Variants in PDE6A observed in about 807,000 individuals in gnomAD.
PDE6A encodes the protein rod cGMP-specific 3',5'-cyclic phosphodiesterase subunit alpha.
In PDE6A, 84 loss-of-function variants were observed where a neutral mutation model predicts 106.3. That is an observed-to-expected ratio of 0.79 (90% CI 0.66 to 0.95). PDE6A has a LOEUF of 0.95. PDE6A is among the 40% of genes least tolerant of loss of function. The pLI is 0.00. For synonymous variants in PDE6A, 394 were observed against 386.6 expected, an observed-to-expected ratio of 1.02 and a Z score of -0.23; for missense variants, 1,052 against 1,084.9, an observed-to-expected ratio of 0.97 and a Z score of 0.43.
Position 149,860,303 on chromosome 5 carries a change from A to T in PDE6A, c.*592T>A, listed in dbSNP as rs1724118703. On this transcript the variant is annotated 3_prime_UTR_variant, in exon 22 of 22. Coordinates refer to ENST00000255266, the MANE Select transcript of PDE6A (RefSeq NM_000440.3). ...TGATATTGGAATCTGGGTGATGGGTATGTGGGGATTCAACGTACAATTCTC... is the reference window on the plus strand; with the variant it reads ...TGATATTGGAATCTGGGTGATGGGTTTGTGGGGATTCAACGTACAATTCTC... The T allele has an allele frequency of 6.6e-6, 1 of 152,360 alleles. No individual in the cohort carries two copies. Among genetic ancestry groups the T allele is most frequent in the Non-Finnish European group, 1.5e-5 (1 of 68,132 alleles). The allele number at this position is 152,360 out of a possible 1,614,324, so 9.4% of individuals were successfully genotyped here. A position where few individuals can be genotyped will look rare whatever the true frequency, so the allele number is the denominator to read the frequency against.
chr5:149,905,001 C>T (rs1219402199), intron 7 of PDE6A, among the ~76,000 whole-genome samples: 1 of 152,148 alleles, frequency 6.6e-6, no homozygotes, highest in East Asian at 1.9e-4. Context: ...CCACCAAATC[C>T]ATTTTCACTG....
intron 1 of PDE6A, among the ~76,000 whole-genome samples, chr5:149,941,330 G>A (rs1376899775): frequency 2.6e-5 from 4 of 152,180 alleles, no homozygotes. Flanking sequence ...CCCTGAGGAA[G>A]GGTGACTTTT....
At chr5:149,888,800 A>T (rs541463557) in intron 13 of PDE6A, among the ~76,000 whole-genome samples, 31 of 151,998 alleles carry the variant, frequency 2.0e-4, no homozygotes, top group African/African-American at 7.5e-4. Context: ...TTGGAAGAAA[A>T]TGGCTGGGTG....
chr5:149,928,227 A>ATC (rs1561778751), intron 4 of PDE6A, among the ~76,000 whole-genome samples: 1 of 26,492 alleles, frequency 3.8e-5, no homozygotes, highest in Non-Finnish European at 6.8e-5. Context: ...ATATATATAT[A>ATC]TATATTTTTT....
At chr5:149,862,690 A>G (rs1250821526) in intron 21 of PDE6A, among the ~76,000 whole-genome samples, 2 of 152,156 alleles carry the variant, frequency 1.3e-5, no homozygotes, top group African/African-American at 4.8e-5. Context: ...CCTGGGAGGT[A>G]GAGGTTGCAG....
At chr5:149,926,949 G>C (rs868722976) in intron 4 of PDE6A, among the ~76,000 whole-genome samples, 1 of 142,516 alleles carries the variant, frequency 7.0e-6, no homozygotes, top group Middle Eastern at 4.0e-3. Flanking sequence ...TTGCACTCCA[G>C]CCTGGGCAAC....
chr5:149,907,161 G>A (rs750299485), intron 7 of PDE6A, 151 bp downstream of exon 7: 8 of 751,552 alleles, frequency 1.1e-5, no homozygotes, highest in Non-Finnish European at 1.9e-5. Flanking sequence ...ATTTAGACCA[G>A]TTGCCAACTG....
At chr5:149,928,209 C>CTATACATATATA (rs1290202591) in intron 4 of PDE6A, among the ~76,000 whole-genome samples, 3 of 44,556 alleles carry the variant, frequency 6.7e-5, no homozygotes, top group Admixed American at 6.0e-4. Context: ...ATTGTATGTG[C>CTATACATATATA]TATATATATA....
chr5:149,867,453 G>C (rs1760371465), intron 19 of PDE6A: 1 of 554,658 alleles, frequency 1.8e-6, no homozygotes, highest in African/African-American at 1.9e-5. Flanking sequence ...AAATTTAGGA[G>C]GGCTTACTAG....
intron 17 of PDE6A, among the ~76,000 whole-genome samples, chr5:149,883,013 G>C (rs1455011479): frequency 6.6e-6 from 1 of 152,088 alleles, no homozygotes; most frequent in Non-Finnish European, 1.5e-5. Flanking sequence ...AGCCGAGATC[G>C]CACCACTACA....
At chr5:149,899,800 C>A (rs1451632585) in intron 8 of PDE6A, among the ~76,000 whole-genome samples, 1 of 152,176 alleles carries the variant, frequency 6.6e-6, no homozygotes, top group African/African-American at 2.4e-5. Flanking sequence ...TAATGATGTG[C>A]AGAACATCCC....
At chr5:149,925,659 A>C (rs1481789500) in intron 4 of PDE6A, among the ~76,000 whole-genome samples, 1 of 148,684 alleles carries the variant, frequency 6.7e-6, no homozygotes, top group African/African-American at 2.5e-5. Context: ...GTGAGCCAAG[A>C]TCATGCCACT....
intron 1 of PDE6A, among the ~76,000 whole-genome samples, chr5:149,936,023 A>C (rs943155594): frequency 6.6e-6 from 1 of 152,082 alleles, no homozygotes. Context: ...GTGTGGTGAC[A>C]TGTGCCTGTA....
intron 4 of PDE6A, among the ~76,000 whole-genome samples, chr5:149,930,342 C>T (rs1339045499): frequency 3.3e-5 from 5 of 152,070 alleles, no homozygotes; most frequent in South Asian, 2.1e-4. Flanking sequence ...CATGACAAGG[C>T]GTACAAAATG....
At chr5:149,883,656 T>C (rs1425913127) in intron 16 of PDE6A, 120 bp from the exon 17 acceptor site, 8 of 755,378 alleles carry the variant, frequency 1.1e-5, no homozygotes, top group Non-Finnish European at 1.9e-5. Flanking sequence ...CAAAACAAGG[T>C]TGAAAGAGCC....
At chr5:149,871,878 A>G (rs935631276) in intron 17 of PDE6A, among the ~76,000 whole-genome samples, 1 of 152,174 alleles carries the variant, frequency 6.6e-6, no homozygotes, top group South Asian at 2.1e-4. Flanking sequence ...AATAAAGAGA[A>G]ATGTCCAGAC....
chr5:149,899,455 C>T lies in PDE6A; in HGVS notation c.1183G>A (p.Glu395Lys). The stretch of plus-strand genomic sequence containing the variant: ...AATGTGGCCACTCCAACAATTTCTT[C>T]CTTCTTGTTCACAATCGGCATTGAA... ...VLSMPIVNKK[E>K]EIVGVATFYN... The change falls in exon 9 of 22, where the codon GAA (glutamate) becomes AAA (lysine). Residue 395 changes from glutamate to lysine, a missense_variant. This residue lies in a region of PDE6A where 913 missense variants were observed against 915.2 expected (regional missense o/e 1.00). Coordinates refer to ENST00000255266, the MANE Select transcript of PDE6A (RefSeq NM_000440.3). 6.2e-7 allele frequency: 1 copy of T among 1,614,070 alleles called. No homozygotes were observed. Among genetic ancestry groups the T allele is most frequent in the South Asian group, 1.1e-5 (1 of 91,080 alleles).
In PDE6A at chr5:149,863,400, A is replaced by C; in HGVS notation, c.2359-134T>G. The C allele has an allele frequency of 1.2e-6, 1 of 851,776 alleles. No homozygotes were observed. The highest frequency in any genetic ancestry group is 1.9e-6 in the Non-Finnish European group (1 of 520,452). The allele number at this position is 851,776 out of a possible 1,614,324, so 52.8% of individuals were successfully genotyped here. ...TAGCAGGCCTCCCGCCACCGTGCTG[A>C]TACTGCAGGGCCTCCGGTCTACACC... On this transcript the variant is annotated intron_variant, in intron 20 of 21. Coordinates refer to ENST00000255266, the MANE Select transcript of PDE6A (RefSeq NM_000440.3). This position sits in a 1 kb window ranked among gnomAD's most constrained non-coding sequence, Gnocchi z 4.7.
At position 149,931,120 on chromosome 5, in the gene PDE6A, C is replaced by T. The variant is rs756399357; in HGVS notation, c.766G>A (p.Glu256Lys). 2.3e-5 allele frequency: 37 copies of T among 1,613,936 alleles called. No homozygotes were observed. The highest frequency in any genetic ancestry group is 2.9e-5 in the Non-Finnish European group (34 of 1,179,988). ...TACAGGGCTTTGTGGAACTGTCGTT[C>T]GATGTCCGTAAGTTCTTCAAAGACT... Reference protein sequence around the residue: ...SKVFEELTDIERQFHKALYTV... With the variant: ...SKVFEELTDIKRQFHKALYTV... The change falls in exon 4 of 22, where the codon GAA becomes AAA. Residue 256 changes from glutamate to lysine, a missense_variant. By Grantham distance (56) the Glu-to-Lys change is moderately conservative. This residue lies in a region of PDE6A where 913 missense variants were observed against 915.2 expected (regional missense o/e 1.00). Transcript: ENST00000255266.
Sources: gnomAD v4.1 joint callset for allele counts (sites outside exome capture counted in the v4.1 genomes callset) on GRCh38, gnomAD v4.1.1 for gene constraint, gnomAD v4.1.1 regional missense constraint, Gnocchi (gnomAD v3.1) non-coding constraint, MANE v1.5 for transcripts, NCBI Gene and HGNC (gene_info 2026-07-23, HGNC 2026-07-21) for gene names.